The following ZFR2 variants were observed in gnomAD, a reference collection of about 807,000 sequenced individuals.
ZFR2 encodes zinc finger RNA binding protein 2.
A neutral mutation model predicts 105.7 loss-of-function variants in ZFR2; 104 were observed. The ratio of observed to expected loss-of-function variants is 0.98; its 90% CI spans 0.84 to 1.16. ZFR2 has a LOEUF of 1.16. ZFR2 is among the 50% of genes most tolerant of loss of function. The pLI, the probability that ZFR2 is intolerant of heterozygous loss-of-function variation, is 0.00. For missense variants in ZFR2, 1,425 were observed against 1,355.5 expected, an observed-to-expected ratio of 1.05 and a Z score of -0.80; for synonymous variants, 634 against 597.7, an observed-to-expected ratio of 1.06 and a Z score of -0.89.
chr19:3,863,142 C>T (rs551603687), intron 1 of ZFR2, among the ~76,000 whole-genome samples: 6 of 152,290 alleles, frequency 3.9e-5, no homozygotes, highest in Admixed American at 3.9e-4. Context: ...GGAGGCCTGC[C>T]GGAGGGCGAG....
chr19:3,868,556 C>T (rs965166058), intron 1 of ZFR2, among the ~76,000 whole-genome samples: 1 of 151,692 alleles, frequency 6.6e-6, no homozygotes, highest in Non-Finnish European at 1.5e-5. Flanking sequence ...TCAGTTCCGT[C>T]CCCTCCCCTC....
At chr19:3,835,526 G>T (rs774243941) in intron 1 of ZFR2, among the ~76,000 whole-genome samples, 16 of 150,404 alleles carry the variant, frequency 1.1e-4, no homozygotes, top group Non-Finnish European at 2.4e-4. Flanking sequence ...GTAGAGACAG[G>T]ATTTCACCGT....
At position 3,827,168 on chromosome 19, in the gene ZFR2, G is replaced by A. The variant is rs532205036; in HGVS notation, c.1035+303C>T. Among the ~76,000 whole-genome samples, 21 of 152,284 alleles carry A rather than the reference G, an allele frequency of 1.4e-4. No individual in the cohort carries two copies. In the South Asian group the frequency reaches 1.7e-3, roughly 12 times the overall value. On this transcript the variant is annotated intron_variant, in intron 6 of 18. Transcript: ENST00000262961. ...GAGGCATGAGAATTGCTTGAACCCA[G>A]GAGGCAGAGGTTGCAGTGAGCCGAG... is the stretch of plus-strand genomic sequence containing the variant.
intron 5 of ZFR2, among the ~76,000 whole-genome samples, chr19:3,827,905 C>G (rs974592065): frequency 9.9e-5 from 15 of 152,130 alleles, no homozygotes; most frequent in African/African-American, 3.1e-4. Flanking sequence ...ACTGCAACCT[C>G]TGCCTCCTGG....
At position 3,853,035 on chromosome 19, in the gene ZFR2, G is replaced by A. The variant is rs144203106; in HGVS notation, c.53+15930C>T. 3.3e-5 allele frequency among the ~76,000 whole-genome samples: 5 copies of A among 152,282 alleles called. No individual in the cohort carries two copies. The East Asian group carries it at 5.8e-4, about 18-fold the overall frequency. On this transcript the variant is annotated intron_variant, in intron 1 of 18. Coordinates refer to ENST00000262961, the MANE Select transcript of ZFR2 (RefSeq NM_015174.2). ...GGCTCACCTGTAATCCCAGCACTTCGGGAGGATCACTTGAGCCCAGGAGTT... is the reference window on the plus strand; with the variant it reads ...GGCTCACCTGTAATCCCAGCACTTCAGGAGGATCACTTGAGCCCAGGAGTT...
intron 13 of ZFR2, among the ~76,000 whole-genome samples, chr19:3,815,628 G>A (rs534060104): frequency 2.6e-4 from 40 of 152,050 alleles, no homozygotes; most frequent in African/African-American, 7.5e-4. Flanking sequence ...TCTGTTGCCC[G>A]GGCTGGAGTG....
chr19:3,819,165 T>C lies in ZFR2; in HGVS notation c.1811A>G (p.Glu604Gly). ...CCTCTGCACGGCCAGGAGCTCCTGC[T>C]CCGTGGGGTAGATGGTGGCGTGCTT... is the stretch of plus-strand genomic sequence containing the variant. ...MCKHATIYPT[E>G]QELLAVQRAV... The change falls in exon 12 of 19, where the codon GAG becomes GGG. Residue 604 changes from glutamate (E) to glycine (G), a missense_variant. Coordinates refer to ENST00000262961, the MANE Select transcript of ZFR2 (RefSeq NM_015174.2). 6.2e-7 allele frequency: 1 copy of C among 1,601,740 alleles called. No individual in the cohort carries two copies. Among genetic ancestry groups the C allele is most frequent in the Non-Finnish European group, 8.5e-7 (1 of 1,177,432 alleles).
Position 3,810,745 on chromosome 19 carries a change from C to A in ZFR2, c.2433+5G>T. On this transcript the variant is annotated splice_donor_5th_base_variant and intron_variant, in intron 16 of 18. Transcript: ENST00000262961. The stretch of plus-strand genomic sequence containing the variant: ...GGAGGGCCGGGCCGCCAGGCACTGC[C>A]TTACCCAGGCTGGCAGGGCCCCCCA... The A allele has an allele frequency of 6.5e-7, 1 of 1,548,918 alleles. No individual in the cohort carries two copies. The highest frequency in any genetic ancestry group is 8.7e-7 in the Non-Finnish European group (1 of 1,146,212).
In ZFR2 at chr19:3,838,340, C is replaced by T. The variant is rs66762579; in HGVS notation, c.54-3357G>A. ...GTACTCCTGTTCCCACACTCCCTCC[C>T]GTAGGTGGCTATGAAGAAAACAGAA... On this transcript the variant is annotated intron_variant, in intron 1 of 18. Transcript: ENST00000262961. This position sits in a 1 kb window ranked among gnomAD's most constrained non-coding sequence, Gnocchi z 4.9. 0.44 allele frequency among the ~76,000 whole-genome samples: 66,183 copies of T among 152,010 alleles called. 15,260 individuals carry two copies. The highest frequency in any genetic ancestry group is 0.54 in the East Asian group (2,817 of 5,176).
chr19:3,860,014 C>T (rs541733834), intron 1 of ZFR2, among the ~76,000 whole-genome samples: 1 of 152,112 alleles, frequency 6.6e-6, no homozygotes, highest in African/African-American at 2.4e-5. Flanking sequence ...TAACTCAATC[C>T]TCGGGAAGAT....
At chr19:3,807,777 C>A (rs556492958) in intron 17 of ZFR2, among the ~76,000 whole-genome samples, 1 of 145,046 alleles carries the variant, frequency 6.9e-6, no homozygotes, top group African/African-American at 2.6e-5. Flanking sequence ...TGTGCCCATG[C>A]GTATGCATGT....
At chr19:3,867,434 G>C (rs1336750698) in intron 1 of ZFR2, among the ~76,000 whole-genome samples, 2 of 152,046 alleles carry the variant, frequency 1.3e-5, no homozygotes, top group Non-Finnish European at 2.9e-5. Flanking sequence ...GAACAGTGTA[G>C]AGTGTGTGTT....
chr19:3,860,368 T>A (rs2038359424), intron 1 of ZFR2, among the ~76,000 whole-genome samples: 1 of 152,002 alleles, frequency 6.6e-6, no homozygotes, highest in South Asian at 2.1e-4. Context: ...CAGGCTCACT[T>A]TCAAACCGTC....
At chr19:3,830,620 G>A (rs2038001733) in intron 5 of ZFR2, among the ~76,000 whole-genome samples, 2 of 152,084 alleles carry the variant, frequency 1.3e-5, no homozygotes, top group African/African-American at 4.8e-5. Context: ...TCCTGATAAC[G>A]GTGTCCTGAG....
chr19:3,811,447 G>T, intron 14 of ZFR2, 81 bp from the exon 15 acceptor site: 1 of 1,369,966 alleles, frequency 7.3e-7, no homozygotes, highest in Non-Finnish European at 9.9e-7. Context: ...GGCTCAGTTT[G>T]GGCCCCTCGA....
chr19:3,820,147 C>T lies in ZFR2; in HGVS notation c.1740+35G>A, dbSNP rs2301842. Reference sequence around the variant, plus strand: ...TCCGCTGCTCCGGGGAGTGTGAGGTCGCCCGCGTTTGCACACAGAGGAAAC... The same window carrying T: ...TCCGCTGCTCCGGGGAGTGTGAGGTTGCCCGCGTTTGCACACAGAGGAAAC... On this transcript the variant is annotated intron_variant, in intron 11 of 18. Coordinates refer to ENST00000262961, the MANE Select transcript of ZFR2 (RefSeq NM_015174.2). 1,424 of 1,544,586 alleles carry T rather than the reference C, an allele frequency of 9.2e-4. 20 individuals are homozygous for T. The East Asian group carries it at 0.025, about 27-fold the overall frequency.
At chr19:3,825,451 G>A (rs2037939124) in intron 6 of ZFR2, 44 bp from the exon 7 acceptor site, 1 of 1,521,500 alleles carries the variant, frequency 6.6e-7, no homozygotes. Flanking sequence ...GCCGCTCCCA[G>A]CCTGATGGCC....
chr19:3,806,871 G>C (rs1347234330), intron 18 of ZFR2, among the ~76,000 whole-genome samples: 1 of 152,236 alleles, frequency 6.6e-6, no homozygotes, highest in Non-Finnish European at 1.5e-5. Flanking sequence ...TGTCGGCCAC[G>C]GCTGGGCTTC....
chr19:3,825,200 G>A, intron 7 of ZFR2, 30 bp downstream of exon 7: 2 of 1,457,880 alleles, frequency 1.4e-6, no homozygotes, highest in Non-Finnish European at 1.8e-6. Flanking sequence ...GCTCTGGTGG[G>A]TACACGAACA....
Sources: gnomAD v4.1 joint callset for allele counts (sites outside exome capture counted in the v4.1 genomes callset) on GRCh38, gnomAD v4.1.1 for gene constraint, Gnocchi (gnomAD v3.1) non-coding constraint, MANE v1.5 for transcripts, NCBI Gene and HGNC (gene_info 2026-07-23, HGNC 2026-07-21) for gene names.